PCDH11X: variants seen among roughly 807,000 people sequenced by gnomAD.
PCDH11X encodes the protein protocadherin-11 X-linked.
A neutral mutation model predicts 53.3 loss-of-function variants in PCDH11X; 18 were observed. The observed-to-expected ratio is 0.34, with a 90% CI of 0.23 to 0.50. The LOEUF is 0.50. Among genes scored for constraint, PCDH11X ranks in the 20% least tolerant of loss-of-function variants. The probability of loss-of-function intolerance (pLI) is 0.98; values close to 1 mark genes in which losing one functional copy is unlikely to be tolerated. For missense variants in PCDH11X, 570 were observed against 1,032.4 expected, an observed-to-expected ratio of 0.55 and a Z score of 6.14; for synonymous variants, 279 against 393.3, an observed-to-expected ratio of 0.71 and a Z score of 3.44.
At chrX:92,124,917 T>C (rs2064834577) in intron 6 of PCDH11X, among the ~76,000 whole-genome samples, 1 of 111,281 alleles carries the variant, frequency 9.0e-6, no homozygotes, top group Non-Finnish European at 1.9e-5. Flanking sequence ...AGGGAACATG[T>C]CTGTCTCGCT....
At chrX:92,613,787 G>A (rs2148818730) in intron 10 of PCDH11X, among the ~76,000 whole-genome samples, 1 of 109,768 alleles carries the variant, frequency 9.1e-6, no homozygotes, top group South Asian at 3.8e-4. Context: ...GTAATTTGTA[G>A]GTTTCTTCGC....
intron 6 of PCDH11X, among the ~76,000 whole-genome samples, chrX:91,967,853 T>C (rs1359477563): frequency 5.5e-4 from 62 of 112,072 alleles, no homozygotes; most frequent in Non-Finnish European, 7.3e-4. Flanking sequence ...TAATACTGCT[T>C]GTTATAATTT....
At chrX:92,007,406 GTA>G (rs1450313031) in intron 6 of PCDH11X, among the ~76,000 whole-genome samples, 9 of 111,764 alleles carry the variant, frequency 8.1e-5, no homozygotes, top group Admixed American at 3.8e-4. Flanking sequence ...AGGCCATGAG[GTA>G]TACTGCCAGA....
intron 10 of PCDH11X, among the ~76,000 whole-genome samples, chrX:92,484,108 GTATATATATAGTATATATATGTATATA>G (rs2073566079): frequency 1.0e-5 from 1 of 96,755 alleles, no homozygotes; most frequent in African/African-American, 3.8e-5. Context: ...GTGTGTGTGT[GTATATATATAGTATATATATGTATATA>G]TGTATGTATA....
intron 1 of PCDH11X, among the ~76,000 whole-genome samples, chrX:91,790,837 G>T (rs1260596984): frequency 1.8e-5 from 2 of 110,718 alleles, no homozygotes; most frequent in Admixed American, 1.9e-4. Context: ...AGCAACCATT[G>T]AAATAAGTGT....
intron 10 of PCDH11X, among the ~76,000 whole-genome samples, chrX:92,471,621 A>G (rs1377157322): frequency 9.0e-6 from 1 of 111,019 alleles, no homozygotes; most frequent in East Asian, 2.8e-4. Flanking sequence ...CTTTGGATAT[A>G]TTCCCAGTAA....
intron 4 of PCDH11X, among the ~76,000 whole-genome samples, chrX:91,816,134 C>T (rs1442223109): frequency 1.8e-5 from 2 of 110,211 alleles, no homozygotes; most frequent in African/African-American, 3.3e-5. Flanking sequence ...TCCCCACACC[C>T]CCCCAAAAAA....
chrX:92,207,601 C>T (rs2066498478), intron 7 of PCDH11X, among the ~76,000 whole-genome samples: 2 of 111,989 alleles, frequency 1.8e-5, no homozygotes, highest in Non-Finnish European at 3.8e-5. Flanking sequence ...TACCACTGTA[C>T]TTCATTAAAT....
intron 9 of PCDH11X, among the ~76,000 whole-genome samples, chrX:92,412,512 T>C (rs1330397474): frequency 1.8e-4 from 1 of 5,509 alleles, no homozygotes; most frequent in Non-Finnish European, 2.9e-4. Context: ...GAAAATAGTA[T>C]ATATATATAT....
At chrX:92,525,943 A>G (rs1356241887) in intron 10 of PCDH11X, among the ~76,000 whole-genome samples, 1 of 111,309 alleles carries the variant, frequency 9.0e-6, no homozygotes, top group Non-Finnish European at 1.9e-5. Context: ...CTAAGAATGA[A>G]TTGGGATACA....
intron 8 of PCDH11X, among the ~76,000 whole-genome samples, chrX:92,364,296 T>C (rs770743487): frequency 1.8e-5 from 2 of 112,264 alleles, no homozygotes; most frequent in East Asian, 5.6e-4. Context: ...TTAGGCTATA[T>C]GGCATAGCCT....
intron 6 of PCDH11X, among the ~76,000 whole-genome samples, chrX:91,999,311 A>G (rs2062470762): frequency 8.9e-6 from 1 of 111,940 alleles, no homozygotes; most frequent in East Asian, 2.8e-4. Flanking sequence ...TTTCCATTTA[A>G]CAGTTTTTAT....
intron 7 of PCDH11X, among the ~76,000 whole-genome samples, chrX:92,226,257 A>T (rs1234108870): frequency 8.9e-6 from 1 of 112,234 alleles, no homozygotes; most frequent in African/African-American, 3.2e-5. Context: ...AGATACAGGG[A>T]AAAATATCCA....
At chrX:91,835,394 G>A (rs1602326357) in intron 4 of PCDH11X, 67 bp from the exon 5 acceptor site, 8 of 1,202,445 alleles carry the variant, frequency 6.7e-6, no homozygotes, top group East Asian at 3.0e-5. Flanking sequence ...TTGTTAACAT[G>A]CATGTTTAGG....
chrX:92,355,168 C>T (rs2070162474), intron 8 of PCDH11X, among the ~76,000 whole-genome samples: 1 of 103,438 alleles, frequency 9.7e-6, no homozygotes, highest in African/African-American at 3.6e-5. Flanking sequence ...TGGTTCACGC[C>T]TGTAATCCCA....
chrX:91,888,514 G>A (rs1375714639), intron 6 of PCDH11X, among the ~76,000 whole-genome samples: 1 of 109,386 alleles, frequency 9.1e-6, no homozygotes, highest in Admixed American at 9.9e-5. Flanking sequence ...ACTTAGCCGG[G>A]TTTGGTGGTG....
At chrX:92,164,262 G>T (rs35626465) in intron 6 of PCDH11X, among the ~76,000 whole-genome samples, 1 of 111,280 alleles carries the variant, frequency 9.0e-6, no homozygotes, top group Non-Finnish European at 1.9e-5. Flanking sequence ...TACTAAACAG[G>T]ATGACTTTAT....
rs764083923 is a variant in PCDH11X, at chrX:92,580,267, C to T, written c.3368-37997C>T. 2.0e-3 allele frequency among the ~76,000 whole-genome samples: 216 copies of T among 108,494 alleles called. 1 individual carries two copies. The highest frequency in any genetic ancestry group is 7.3e-3 in the African/African-American group (208 of 28,406). 94.2% of individuals were successfully genotyped at this position (108,494 alleles called of 115,157 possible). On this transcript the variant is annotated intron_variant, in intron 10 of 10. Coordinates refer to ENST00000682573, the MANE Select transcript of PCDH11X (RefSeq NM_032968.5). ...CAAAGTACCCTGGATGCCCCTTGGC[C>T]GAGTAGGTGTTCTACACTGGGGAGG...
intron 8 of PCDH11X, among the ~76,000 whole-genome samples, chrX:92,378,983 G>A (rs1464406831): frequency 8.8e-6 from 1 of 113,233 alleles, no homozygotes; most frequent in Non-Finnish European, 1.9e-5. Context: ...TTGAAACCCA[G>A]GAATTTGTGA....
Sources: allele counts gnomAD v4.1 joint callset (sites outside exome capture counted in the v4.1 genomes callset), GRCh38; gene constraint gnomAD v4.1.1; transcripts MANE v1.5; gene names NCBI Gene and HGNC (gene_info 2026-07-23, HGNC 2026-07-21).